TRIM8: variants seen among roughly 807,000 people sequenced by gnomAD.
TRIM8 encodes the protein tripartite motif containing 8, also known as E3 ubiquitin-protein ligase TRIM8.
TRIM8 carries 9 observed loss-of-function variants against 55.7 expected under a neutral mutation model. The ratio of observed to expected loss-of-function variants is 0.16; its 90% confidence interval spans 0.10 to 0.28. The LOEUF is 0.28. Ranked by LOEUF, TRIM8 falls within the 10% of genes least tolerant of loss-of-function variation. The pLI, the probability that TRIM8 is intolerant of heterozygous loss-of-function variation, is 1.00. For synonymous variants in TRIM8, 335 were observed against 333.3 expected (o/e 1.01, Z -0.06); for missense variants, 556 against 736.4 (o/e 0.76, Z 2.83).
chr10:102,647,295 G>T (rs777756262), intron 1 of TRIM8, among the ~76,000 whole-genome samples: 1 of 152,206 alleles, frequency 6.6e-6, no homozygotes, highest in Non-Finnish European at 1.5e-5. Context: ...GTGTGGGCAG[G>T]CTCAGAAGTA....
rs181486557 is a variant in TRIM8, at chr10:102,650,155, G to A, written c.571-4498G>A. ...GTTTCTCTTCAAGGTTGACTTGAGG[G>A]TTTTATTATTATTATTTATTAACTT... On this transcript the variant is annotated intron_variant, in intron 1 of 5. Coordinates refer to ENST00000643721, the MANE Select transcript of TRIM8 (RefSeq NM_030912.3). Among the ~76,000 whole-genome samples, 718 of 152,200 alleles carry A rather than the reference G, an allele frequency of 4.7e-3. 12 individuals carry two copies. Among genetic ancestry groups the A allele is most frequent in the African/African-American group, 0.017 (691 of 41,508 alleles).
chr10:102,649,022 G>A (rs774026830), intron 1 of TRIM8, among the ~76,000 whole-genome samples: 5 of 126,796 alleles, frequency 3.9e-5, no homozygotes, highest in African/African-American at 9.8e-5. Flanking sequence ...GCACATCTGT[G>A]TCTGTCTGCA....
chr10:102,652,904 A>G (rs1434722573), intron 1 of TRIM8, among the ~76,000 whole-genome samples: 1 of 151,870 alleles, frequency 6.6e-6, no homozygotes, highest in African/African-American at 2.4e-5. Flanking sequence ...CCCGGGTTCA[A>G]GTGATTCTCC....
chr10:102,645,498 A>C, intron 1 of TRIM8: 1 of 267,682 alleles, frequency 3.7e-6, no homozygotes, highest in Non-Finnish European at 7.0e-6. Context: ...TCCCTCCCCC[A>C]GTCTTGTTGC....
rs1440890779 is a variant in TRIM8 at position 102,645,359 on chromosome 10, G to A, written c.570+172G>A. 4.5e-6 allele frequency: 3 copies of A among 671,698 alleles called. No individual in the cohort carries two copies. In the African/African-American group the frequency reaches 5.8e-5, roughly 13 times the overall value. 41.6% of individuals were successfully genotyped at this position (671,698 alleles called of 1,614,324 possible). ...TGGGGACAGGGTCCTGGGAAGAAGG[G>A]CCCCGGGTCGCTACTTGGTACATTC... On this transcript the variant is annotated intron_variant, in intron 1 of 5. Coordinates refer to ENST00000643721, the MANE Select transcript of TRIM8 (RefSeq NM_030912.3).
In TRIM8 at chr10:102,657,296, A is replaced by G. The variant is rs1265368814; in HGVS notation, c.1598A>G (p.His533Arg). Residue 533 changes from histidine (H) to arginine (R), a missense_variant, in exon 6 of 6, where the codon CAC (histidine) becomes CGC (arginine). This residue lies in a region of TRIM8 where 391 missense variants were observed against 441.0 expected (regional missense o/e 0.89). Transcript: ENST00000643721. ...CTTGACGCCTCCCAGCAGCCCGGCC[A>G]CCAGGATTTCTACAGGGTGTATGGG... is the stretch of plus-strand genomic sequence containing the variant. The part of the protein sequence containing the change: ...DWLDASQQPG[H>R]QDFYRVYGQP... 3 of 1,612,662 alleles carry G rather than the reference A, an allele frequency of 1.9e-6. No homozygotes were observed. Among genetic ancestry groups the G allele is most frequent in the Non-Finnish European group, 1.7e-6 (2 of 1,179,268 alleles).
At chr10:102,653,214 C>CAGGACAGG (rs1407085554) in intron 1 of TRIM8, among the ~76,000 whole-genome samples, 3 of 152,184 alleles carry the variant, frequency 2.0e-5, no homozygotes, top group African/African-American at 7.2e-5. Flanking sequence ...ACCCCGTAGC[C>CAGGACAGG]AGGACAGGGA....
chr10:102,645,123 A>G lies in TRIM8; in HGVS notation c.506A>G (p.Tyr169Cys). Residue 169 changes from tyrosine (Y) to cysteine (C), a missense_variant, in exon 1 of 6, where the codon TAC becomes TGC. Tyr to Cys is a radical substitution (Grantham distance 194). Transcript: ENST00000643721. The part of the protein sequence containing the change: ...EQVAVCQYCC[Y>C]YSGAHQGHSV... ...GTGGCCGTGTGCCAGTACTGCTGCT[A>G]CTACAGCGGCGCGCATCAGGGACAC... is the stretch of plus-strand genomic sequence containing the variant. The G allele has an allele frequency of 6.3e-7, 1 of 1,587,658 alleles. No individual in the cohort carries two copies. The highest frequency in any genetic ancestry group is 8.5e-7 in the Non-Finnish European group (1 of 1,174,798).
rs1008403480 is a variant in TRIM8 at position 102,656,126 on chromosome 10, C to G, written c.921C>G (p.Ile307Met). 3 of 1,614,050 alleles carry G rather than the reference C, an allele frequency of 1.9e-6. No homozygotes were observed. In the African/African-American group the frequency reaches 4.0e-5, roughly 22 times the overall value. ...AACAGAACACCAAGTCTGTGAAAAT[C>G]CTGATGGACAGGTAAGCTGAGGGCC... The part of the protein sequence containing the change: ...SFMKNTKSVK[I>M]LMDRTQTCTS... Residue 307 changes from isoleucine to methionine, a missense_variant, in exon 4 of 6, where the codon ATC becomes ATG. By Grantham distance (10) the Ile-to-Met change is conservative. Around this residue, in one of 2 missense-constraint regions of TRIM8, gnomAD observed 391 missense variants for 441.0 expected, o/e 0.89. Coordinates refer to ENST00000643721, the MANE Select transcript of TRIM8 (RefSeq NM_030912.3). The surrounding 1 kb of genome is among the most constrained non-coding windows in gnomAD (Gnocchi z 4.6).
rs758962280 is a variant in TRIM8, at chr10:102,655,093, A to G, written c.680A>G (p.Gln227Arg). The change falls in exon 3 of 6, where the codon CAA becomes CGA. Residue 227 changes from glutamine to arginine, a missense_variant. This residue lies in a region of TRIM8 where 391 missense variants were observed against 441.0 expected (regional missense o/e 0.89). Transcript: ENST00000643721. ...CTGTACTCGCAGGAGAAAGTGAACCAACTGAAGGAGGAAGTTCGGCTGCAG... is the reference window on the plus strand; with the variant it reads ...CTGTACTCGCAGGAGAAAGTGAACCGACTGAAGGAGGAAGTTCGGCTGCAG... Reference protein sequence around the residue: ...DKRLVEEKVNQLKEEVRLQYE... With the variant: ...DKRLVEEKVNRLKEEVRLQYE... 11 of 1,612,706 alleles carry G rather than the reference A, an allele frequency of 6.8e-6. No individual in the cohort carries two copies. The highest frequency in any genetic ancestry group is 9.3e-6 in the Non-Finnish European group (11 of 1,179,614).
chr10:102,647,308 G>C (rs1345003820), intron 1 of TRIM8, among the ~76,000 whole-genome samples: 5 of 152,220 alleles, frequency 3.3e-5, no homozygotes, highest in African/African-American at 1.2e-4. Context: ...CAGAAGTAGT[G>C]GGTTGCATCA....
intron 1 of TRIM8, chr10:102,645,955 A>T (rs1025309902): frequency 2.6e-5 from 4 of 152,274 alleles, no homozygotes; most frequent in African/African-American, 9.6e-5. Flanking sequence ...GGGGAGGGGA[A>T]GTGGAAGACG....
intron 2 of TRIM8, 34 bp downstream of exon 2, chr10:102,654,782 G>A (rs2135983066): frequency 1.3e-6 from 2 of 1,534,770 alleles, no homozygotes; most frequent in Non-Finnish European, 9.0e-7. Flanking sequence ...GCGGGGTGGG[G>A]GTGGCTTGAG....
chr10:102,649,083 C>T (rs897518865), intron 1 of TRIM8: 1 of 152,236 alleles, frequency 6.6e-6, no homozygotes, highest in Non-Finnish European at 1.5e-5. Context: ...ACGTCTGGGT[C>T]GTGTATCTTG....
At chr10:102,649,450 C>T (rs1207343010) in intron 1 of TRIM8, among the ~76,000 whole-genome samples, 7 of 152,188 alleles carry the variant, frequency 4.6e-5, no homozygotes, top group Non-Finnish European at 5.9e-5. Flanking sequence ...TGCAGTCTGG[C>T]GAGGCGGAGC....
chr10:102,650,819 G>C (rs970255219), intron 1 of TRIM8, among the ~76,000 whole-genome samples: 3 of 152,164 alleles, frequency 2.0e-5, no homozygotes, highest in Non-Finnish European at 2.9e-5. Context: ...GAGGCTGCTG[G>C]TGGTGGGGGG....
Position 102,656,348 on chromosome 10 carries a change from G to T in TRIM8, c.1011G>T (p.Val337=). ...HLNSKLFLNE[V]AKKEKQLRKM... ...ACTCCAAGCTCTTCCTGAACGAAGT[G>T]GCCAAGAAGGAGAAGCAGCTGCGGA... is the stretch of plus-strand genomic sequence containing the variant. Residue 337 remains valine, a synonymous_variant, in exon 5 of 6, where the codon GTG becomes GTT. Transcript: ENST00000643721. The surrounding 1 kb of genome is among the most constrained non-coding windows in gnomAD (Gnocchi z 4.6). 2 of 1,614,068 alleles carry T rather than the reference G, an allele frequency of 1.2e-6. No homozygotes were observed. The highest frequency in any genetic ancestry group is 1.7e-6 in the Non-Finnish European group (2 of 1,179,978).
In TRIM8 at chr10:102,647,943, C is replaced by T. The variant is rs1259779517; in HGVS notation, c.570+2756C>T. On this transcript the variant is annotated intron_variant, in intron 1 of 5. Coordinates refer to ENST00000643721, the MANE Select transcript of TRIM8 (RefSeq NM_030912.3). The stretch of plus-strand genomic sequence containing the variant: ...GACCCAGCAGGAGAGCAAACAGGTC[C>T]TCCATCCATCCTGGGGAACTACAAG... Among the ~76,000 whole-genome samples the T allele has an allele frequency of 2.0e-5, 3 of 152,186 alleles. No homozygotes were observed. In the East Asian group the frequency reaches 5.8e-4, roughly 29 times the overall value.
Position 102,656,637 on chromosome 10 carries a change from A to G in TRIM8, c.1049-110A>G. ...GAGGAGCAAGCATCACCTGAGATGT[A>G]ACATTCTTGGGCCTCTAGGTGTCAA... On this transcript the variant is annotated intron_variant, in intron 5 of 5. Coordinates refer to ENST00000643721, the MANE Select transcript of TRIM8 (RefSeq NM_030912.3). The surrounding 1 kb of genome is among the most constrained non-coding windows in gnomAD (Gnocchi z 4.6). 2 of 1,468,478 alleles carry G rather than the reference A, an allele frequency of 1.4e-6. No homozygotes were observed. Among genetic ancestry groups the G allele is most frequent in the South Asian group, 2.8e-5 (2 of 72,044 alleles). 91.0% of individuals were successfully genotyped at this position (1,468,478 alleles called of 1,614,324 possible).
Sources: allele counts gnomAD v4.1 joint callset (sites outside exome capture counted in the v4.1 genomes callset), GRCh38; gene constraint gnomAD v4.1.1; regional missense constraint gnomAD v4.1.1; non-coding constraint Gnocchi (gnomAD v3.1); transcripts MANE v1.5; gene names NCBI Gene and HGNC (gene_info 2026-07-23, HGNC 2026-07-21).